ANK3: variants seen among roughly 807,000 people sequenced by gnomAD.
ANK3 encodes the protein ankyrin-3.
In ANK3, 57 loss-of-function variants were observed where a neutral mutation model predicts 370.9. The observed-to-expected ratio is 0.15, with a 90% confidence interval of 0.12 to 0.19. The LOEUF is 0.19. Among genes scored for constraint, ANK3 ranks in the 10% least tolerant of loss-of-function variants. ANK3 has a pLI of 1.00. For synonymous variants in ANK3, 1,929 were observed against 1,946.3 expected, an observed-to-expected ratio of 0.99 and a Z score of 0.23; for missense variants, 4,439 against 5,302.1, an observed-to-expected ratio of 0.84 and a Z score of 5.06.
chr10:60,493,890 G>A (rs1205713480), intron 2 of ANK3, among the ~76,000 whole-genome samples: 1 of 152,152 alleles, frequency 6.6e-6, no homozygotes, highest in Non-Finnish European at 1.5e-5. Context: ...GTCAGAGAAA[G>A]AGGATAGTGG....
At chr10:60,502,657 C>T (rs561262383) in intron 2 of ANK3, among the ~76,000 whole-genome samples, 1 of 150,174 alleles carries the variant, frequency 6.7e-6, no homozygotes, top group East Asian at 2.0e-4. Flanking sequence ...AGCCACTGCA[C>T]TCCAGTCTGC....
intron 20 of ANK3, 47 bp from the exon 21 acceptor site, chr10:60,172,450 C>T (rs1425778456): frequency 6.6e-7 from 1 of 1,524,480 alleles, no homozygotes; most frequent in South Asian, 1.1e-5. Flanking sequence ...CCTTATTCCA[C>T]ATTTTTTTTG....
At chr10:60,259,236 T>C (rs1345323815) in intron 7 of ANK3, among the ~76,000 whole-genome samples, 1 of 152,164 alleles carries the variant, frequency 6.6e-6, no homozygotes. Flanking sequence ...CAGTTTAAGC[T>C]CTTTAAAAAG....
At chr10:60,624,514 C>A (rs1281564085) in intron 1 of ANK3, among the ~76,000 whole-genome samples, 1 of 152,098 alleles carries the variant, frequency 6.6e-6, no homozygotes, top group Non-Finnish European at 1.5e-5. Flanking sequence ...AATCTGTATT[C>A]TTTTGCTCTT....
intron 2 of ANK3, chr10:60,572,491 C>A: frequency 6.5e-7 from 1 of 1,535,864 alleles, no homozygotes; most frequent in Non-Finnish European, 8.7e-7. Context: ...TTCCTATGAG[C>A]AGGTTTTGCA....
intron 2 of ANK3, among the ~76,000 whole-genome samples, chr10:60,468,985 C>T (rs2065076645): frequency 1.5e-5 from 1 of 66,286 alleles, no homozygotes; most frequent in African/African-American, 5.0e-5. Flanking sequence ...ATATATATAC[C>T]ACTTTTAGTG....
At chr10:60,390,315 C>T (rs2062986138), upstream of ANK3, among the ~76,000 whole-genome samples, 1 of 152,110 alleles carries the variant, frequency 6.6e-6, no homozygotes. Context: ...ACACATCATA[C>T]AGAAAGACGT....
At chr10:60,192,477 C>A (rs2096504375) in intron 16 of ANK3, among the ~76,000 whole-genome samples, 1 of 151,216 alleles carries the variant, frequency 6.6e-6, no homozygotes, top group Non-Finnish European at 1.5e-5. Context: ...TATACCAACA[C>A]ACATAAATAC....
intron 2 of ANK3, among the ~76,000 whole-genome samples, chr10:60,601,171 A>AGG (rs72246719): frequency 3.0e-3 from 173 of 56,764 alleles, no homozygotes; most frequent in African/African-American, 7.4e-3. Context: ...CATTTATACA[A>AGG]CGCACACACA....
intron 7 of ANK3, among the ~76,000 whole-genome samples, chr10:60,253,485 TA>T (rs748665766): frequency 6.6e-6 from 1 of 152,122 alleles, no homozygotes; most frequent in Non-Finnish European, 1.5e-5. Flanking sequence ...AATACTCCTT[TA>T]AAAAATGTAT....
chr10:60,200,853 A>T (rs1235032060), intron 12 of ANK3, among the ~76,000 whole-genome samples: 5 of 152,182 alleles, frequency 3.3e-5, no homozygotes, highest in Non-Finnish European at 1.5e-5. Flanking sequence ...ATCTGAACAG[A>T]TCAATATCTT....
At chr10:60,061,935 T>C (rs1252375585) in intron 40 of ANK3, 2 of 152,184 alleles carry the variant, frequency 1.3e-5, no homozygotes, top group Non-Finnish European at 2.9e-5. Flanking sequence ...TAGTTCTTAT[T>C]CCTGCCTCCA....
chr10:60,728,013 A>G (rs1348126204), intron 1 of ANK3, among the ~76,000 whole-genome samples: 3 of 152,180 alleles, frequency 2.0e-5, no homozygotes, highest in Non-Finnish European at 4.4e-5. Flanking sequence ...GTGCTTACCA[A>G]TTCTGTGCTT....
chr10:60,149,703 C>T (rs1297674561), intron 23 of ANK3, among the ~76,000 whole-genome samples: 1 of 152,090 alleles, frequency 6.6e-6, no homozygotes, highest in Non-Finnish European at 1.5e-5. Flanking sequence ...TTCCCATACC[C>T]CTTATTTTGT....
chr10:60,047,076 G>C (rs1471255140), intron 42 of ANK3, among the ~76,000 whole-genome samples: 1 of 152,092 alleles, frequency 6.6e-6, no homozygotes, highest in Non-Finnish European at 1.5e-5. Flanking sequence ...CAAAGTGCTG[G>C]GATTACAGGC....
chr10:60,050,725 A>C (rs2077782143), intron 42 of ANK3: 1 of 152,210 alleles, frequency 6.6e-6, no homozygotes, highest in Non-Finnish European at 1.5e-5. Flanking sequence ...CTTACTACGC[A>C]AAAGGTAAGT....
chr10:60,217,966 G>C (rs1476105047), intron 8 of ANK3, among the ~76,000 whole-genome samples: 1 of 152,108 alleles, frequency 6.6e-6, no homozygotes, highest in East Asian at 1.9e-4. Context: ...ATTTAGAATA[G>C]TTAGCTCTTC....
intron 2 of ANK3, among the ~76,000 whole-genome samples, chr10:60,439,518 AT>A (rs201604010): frequency 6.6e-6 from 1 of 152,132 alleles, no homozygotes; most frequent in Admixed American, 6.5e-5. Context: ...AAAAAAAATA[AT>A]TTAAAAAAAA....
chr10:60,037,465 A>T (rs779829817), intron 43 of ANK3, among the ~76,000 whole-genome samples: 3 of 152,050 alleles, frequency 2.0e-5, no homozygotes, highest in Non-Finnish European at 2.9e-5. Context: ...CCTCAAGTAG[A>T]TCCCAGTGTC....
Sources: gnomAD v4.1 joint callset for allele counts (sites outside exome capture counted in the v4.1 genomes callset) on GRCh38, gnomAD v4.1.1 for gene constraint, MANE v1.5 for transcripts, NCBI Gene and HGNC (gene_info 2026-07-23, HGNC 2026-07-21) for gene names.